The following ZPBP variants were observed in gnomAD, a reference collection of about 807,000 sequenced individuals.
The protein encoded by ZPBP is zona pellucida-binding protein 1.
ZPBP carries 26 observed loss-of-function variants against 44.8 expected under a neutral mutation model. That is an observed-to-expected ratio of 0.58 (90% CI 0.43 to 0.81). The LOEUF (loss-of-function observed/expected upper bound fraction) is 0.81. ZPBP is among the 30% of genes least tolerant of loss of function. ZPBP has a pLI of 0.00. For missense variants in ZPBP, 409 were observed against 434.0 expected (o/e 0.94, Z 0.51); for synonymous variants, 174 against 153.2 (o/e 1.14, Z -1.00).
At chr7:50,072,471 C>T (rs1020688057) in intron 3 of ZPBP, among the ~76,000 whole-genome samples, 2 of 152,228 alleles carry the variant, frequency 1.3e-5, no homozygotes, top group Non-Finnish European at 2.9e-5. Flanking sequence ...GGCTTTACTT[C>T]CTGCTGATTG....
intron 5 of ZPBP, among the ~76,000 whole-genome samples, chr7:50,023,104 C>T (rs1339209886): frequency 6.6e-6 from 1 of 151,994 alleles, no homozygotes; most frequent in Admixed American, 6.6e-5. Flanking sequence ...TTTGGAAACC[C>T]CGCCTCAAGA....
intron 4 of ZPBP, among the ~76,000 whole-genome samples, chr7:50,044,029 T>G (rs1800220153): frequency 1.3e-5 from 2 of 152,188 alleles, no homozygotes; most frequent in South Asian, 2.1e-4. Flanking sequence ...ACTGCACAAC[T>G]ATGTGGAAAC....
At chr7:49,930,582 A>G (rs1480155842) in intron 1 of ZPBP, among the ~76,000 whole-genome samples, 1 of 152,184 alleles carries the variant, frequency 6.6e-6, no homozygotes, top group Non-Finnish European at 1.5e-5. Context: ...AATGACTTAA[A>G]AACGATACTG....
chr7:49,867,635 C>G (rs1350929456), intron 2 of ZPBP, among the ~76,000 whole-genome samples: 1 of 152,162 alleles, frequency 6.6e-6, no homozygotes, highest in Non-Finnish European at 1.5e-5. Flanking sequence ...CATTCACCCT[C>G]CTGAACTCTA....
chr7:49,891,264 AAAGCCTC>A (rs1440281409), intron 2 of ZPBP, among the ~76,000 whole-genome samples: 4 of 152,218 alleles, frequency 2.6e-5, no homozygotes, highest in African/African-American at 9.6e-5. Context: ...ACAAGCGATA[AAAGCCTC>A]AATTTAGCCA....
intron 1 of ZPBP, chr7:49,919,954 C>T (rs1233603879): frequency 6.6e-6 from 1 of 152,094 alleles, no homozygotes; most frequent in Non-Finnish European, 1.5e-5. Context: ...ATATTTGTTA[C>T]AAATAACACT....
At chr7:50,045,809 A>G (rs1233870878) in intron 4 of ZPBP, among the ~76,000 whole-genome samples, 1 of 141,694 alleles carries the variant, frequency 7.1e-6, no homozygotes, top group Admixed American at 7.0e-5. Context: ...TAAATTTCAT[A>G]TGGAACCAAA....
rs1562817408 is a variant in ZPBP at position 49,980,076 on chromosome 7, A to ATATAATATACTTTTATATTATATATAAT, written c.961+3265_961+3266insATTATATATAATATAAAAGTATATTATA. Among the ~76,000 whole-genome samples the ATATAATATACTTTTATATTATATATAAT allele has an allele frequency of 6.6e-3, 80 of 12,070 alleles. 2 individuals are homozygous for ATATAATATACTTTTATATTATATATAAT. Among genetic ancestry groups the ATATAATATACTTTTATATTATATATAAT allele is most frequent in the African/African-American group, 0.026 (71 of 2,690 alleles). The allele number at this position is 12,070 out of a possible 152,430, so 7.9% of individuals were successfully genotyped here. A position where few individuals can be genotyped will look rare whatever the true frequency, so the allele number is the denominator to read the frequency against. On this transcript the variant is annotated intron_variant, in intron 7 of 7. Transcript: ENST00000046087. The stretch of plus-strand genomic sequence containing the variant: ...ATAATTTTATATTATATTATAATAT[A>ATATAATATACTTTTATATTATATATAAT]TATAATATAATTTTATATTATATAT...
At chr7:50,086,519 C>G (rs12670369) in intron 2 of ZPBP, among the ~76,000 whole-genome samples, 126,052 of 151,972 alleles carry the variant, frequency 0.83, 52,312 homozygotes, top group East Asian at 0.88. Context: ...AATAAAGATA[C>G]AAAAATTATT....
chr7:49,933,184 C>T (rs143063069), downstream of ZPBP, among the ~76,000 whole-genome samples: 1 of 152,118 alleles, frequency 6.6e-6, no homozygotes, highest in African/African-American at 2.4e-5. Flanking sequence ...AAAATACTCA[C>T]TACATATGGT....
At chr7:49,988,545 T>C (rs1338542486) in intron 6 of ZPBP, among the ~76,000 whole-genome samples, 2 of 152,210 alleles carry the variant, frequency 1.3e-5, no homozygotes, top group East Asian at 3.8e-4. Context: ...ACAATTAAGG[T>C]TGTTATGCTA....
chr7:50,075,010 T>C (rs1200434785), intron 3 of ZPBP, among the ~76,000 whole-genome samples: 1 of 151,954 alleles, frequency 6.6e-6, no homozygotes, highest in Admixed American at 6.6e-5. Flanking sequence ...GGATAGACCA[T>C]ATATTAGGTC....
chr7:50,041,152 C>T (rs1800075610), intron 4 of ZPBP, among the ~76,000 whole-genome samples: 1 of 152,158 alleles, frequency 6.6e-6, no homozygotes, highest in African/African-American at 2.4e-5. Context: ...AAGGCAGCAG[C>T]CCCAGGCAGG....
At chr7:49,976,194 A>G (rs962406473) in intron 7 of ZPBP, among the ~76,000 whole-genome samples, 35 of 152,242 alleles carry the variant, frequency 2.3e-4, no homozygotes, top group African/African-American at 7.9e-4. Context: ...AGCATTATAT[A>G]TTTTTGCGTA....
intron 1 of ZPBP, chr7:49,914,865 G>A (rs1334416528): frequency 1.3e-5 from 2 of 152,184 alleles, no homozygotes; most frequent in Non-Finnish European, 2.9e-5. Flanking sequence ...CAGAATTCAA[G>A]TATAGAAGTT....
intron 4 of ZPBP, among the ~76,000 whole-genome samples, chr7:50,042,400 GA>G (rs1800137587): frequency 6.6e-6 from 1 of 152,040 alleles, no homozygotes; most frequent in East Asian, 1.9e-4. Context: ...TGAAACGAAG[GA>G]AAAAATGTTA....
At chr7:49,965,816 G>C (rs1045757427) in intron 7 of ZPBP, among the ~76,000 whole-genome samples, 2 of 151,958 alleles carry the variant, frequency 1.3e-5, no homozygotes, top group East Asian at 3.8e-4. Context: ...ATTACTTGAA[G>C]GTGGACTAAG....
At chr7:50,088,920 G>A (rs1204164946) in intron 2 of ZPBP, among the ~76,000 whole-genome samples, 2 of 150,236 alleles carry the variant, frequency 1.3e-5, no homozygotes, top group Admixed American at 1.3e-4. Context: ...AAAAAGGAAT[G>A]AAGTATTGAT....
chr7:49,980,655 C>G (rs1263679434), intron 7 of ZPBP, among the ~76,000 whole-genome samples: 1 of 151,830 alleles, frequency 6.6e-6, no homozygotes, highest in Non-Finnish European at 1.5e-5. Context: ...TTTTGTATAG[C>G]CAGCTCTCAC....
Sources: allele counts gnomAD v4.1 joint callset (sites outside exome capture counted in the v4.1 genomes callset), GRCh38; gene constraint gnomAD v4.1.1; transcripts MANE v1.5; gene names NCBI Gene and HGNC (gene_info 2026-07-23, HGNC 2026-07-21).